LEKR1: variants seen among roughly 807,000 people sequenced by gnomAD.
LEKR1 encodes the protein leucine, glutamate and lysine rich 1.
A neutral mutation model predicts 72.4 loss-of-function variants in LEKR1; 59 were observed. The ratio of observed to expected loss-of-function variants is 0.82; its 90% CI spans 0.66 to 1.01. The LOEUF is 1.01. Ranked by LOEUF, LEKR1 falls within the 50% of genes least tolerant of loss-of-function variation. LEKR1 has a pLI of 0.00. For missense variants in LEKR1, 728 were observed against 759.2 expected (o/e 0.96, Z 0.48); for synonymous variants, 257 against 263.2 (o/e 0.98, Z 0.23).
intron 3 of LEKR1, among the ~76,000 whole-genome samples, chr3:156,917,931 C>G (rs1432729381): frequency 1.3e-5 from 2 of 152,012 alleles, no homozygotes; most frequent in Non-Finnish European, 2.9e-5. Context: ...GGAAGGCTAC[C>G]TCCTGGTAAA....
chr3:156,982,940 G>A (rs775233763), intron 7 of LEKR1, among the ~76,000 whole-genome samples: 37 of 151,844 alleles, frequency 2.4e-4, no homozygotes, highest in Admixed American at 6.6e-4. Flanking sequence ...CATAGAGAAA[G>A]GTCTCCAGCA....
chr3:156,928,797 C>A (rs914188850), intron 5 of LEKR1, among the ~76,000 whole-genome samples: 4 of 152,002 alleles, frequency 2.6e-5, no homozygotes, highest in African/African-American at 9.7e-5. Context: ...CTGTCACCTA[C>A]CCTATGAGAA....
chr3:156,883,042 A>G (rs1208675708), intron 3 of LEKR1, among the ~76,000 whole-genome samples: 5 of 152,068 alleles, frequency 3.3e-5, no homozygotes, highest in Non-Finnish European at 7.4e-5. Context: ...TGGGATATAT[A>G]CCTAATGCCA....
intron 5 of LEKR1, among the ~76,000 whole-genome samples, chr3:156,930,811 G>C (rs906587822): frequency 6.6e-6 from 1 of 151,988 alleles, no homozygotes; most frequent in Non-Finnish European, 1.5e-5. Flanking sequence ...AATCCAATGG[G>C]AAAAAGAAAG....
rs572867369 is a variant in LEKR1, at chr3:156,979,569, T to C, written c.827+294T>C. The stretch of plus-strand genomic sequence containing the variant: ...TTAAAGCTTTCCCTGATAGTTCAAA[T>C]GCAGTAACTTAATGTGAAATAGTCT... On this transcript the variant is annotated intron_variant, in intron 7 of 12. Transcript: ENST00000356539. 82 of 164,012 alleles carry C rather than the reference T, an allele frequency of 5.0e-4. 2 individuals are homozygous for C. Among genetic ancestry groups the C allele is most frequent in the Middle Eastern group, 3.0e-3 (1 of 334 alleles). The allele number at this position is 164,012 out of a possible 1,614,324, so 10.2% of individuals were successfully genotyped here.
chr3:156,921,412 G>A (rs1363424078), intron 4 of LEKR1, among the ~76,000 whole-genome samples: 1 of 152,088 alleles, frequency 6.6e-6, no homozygotes, highest in Non-Finnish European at 1.5e-5. Context: ...GGAATATTCT[G>A]AATAAATTTC....
chr3:156,974,327 A>G (rs1445150034), intron 6 of LEKR1, among the ~76,000 whole-genome samples: 1 of 152,182 alleles, frequency 6.6e-6, no homozygotes, highest in Non-Finnish European at 1.5e-5. Flanking sequence ...CACCTTCAAA[A>G]CGAATAATTT....
intron 12 of LEKR1, among the ~76,000 whole-genome samples, chr3:157,042,137 A>C (rs978509659): frequency 4.6e-5 from 7 of 151,826 alleles, no homozygotes; most frequent in Non-Finnish European, 1.0e-4. Context: ...GTGGCAGATG[A>C]TATGAAGATA....
intron 6 of LEKR1, among the ~76,000 whole-genome samples, chr3:156,949,638 A>C (rs1436739007): frequency 6.6e-6 from 1 of 151,140 alleles, no homozygotes; most frequent in East Asian, 1.9e-4. Context: ...AAATGGGTAT[A>C]ATAACAGTCC....
intron 2 of LEKR1, among the ~76,000 whole-genome samples, chr3:156,850,255 A>G (rs1715189453): frequency 6.6e-6 from 1 of 151,158 alleles, no homozygotes; most frequent in Non-Finnish European, 1.5e-5. Context: ...ATATTTTTAT[A>G]TATTTTATAT....
At chr3:156,860,372 G>A (rs1716628852) in intron 3 of LEKR1, among the ~76,000 whole-genome samples, 1 of 152,132 alleles carries the variant, frequency 6.6e-6, no homozygotes, top group African/African-American at 2.4e-5. Flanking sequence ...AGACTGTCAT[G>A]TGGAGAGTTA....
chr3:156,840,928 C>T (rs1468205268), intron 2 of LEKR1, among the ~76,000 whole-genome samples: 1 of 152,150 alleles, frequency 6.6e-6, no homozygotes, highest in Non-Finnish European at 1.5e-5. Context: ...CTTTCTTGTA[C>T]TAGCCTAGGT....
intron 10 of LEKR1, among the ~76,000 whole-genome samples, chr3:157,020,204 T>C (rs1319658408): frequency 1.3e-5 from 2 of 151,604 alleles, no homozygotes; most frequent in Non-Finnish European, 2.9e-5. Flanking sequence ...TCACCTTTTC[T>C]TCCCTGAATA....
At chr3:156,840,759 A>G (rs1713807461) in intron 2 of LEKR1, among the ~76,000 whole-genome samples, 1 of 152,192 alleles carries the variant, frequency 6.6e-6, no homozygotes, top group African/African-American at 2.4e-5. Context: ...ACCATAAAAG[A>G]CCTTTTAAAT....
intron 2 of LEKR1, among the ~76,000 whole-genome samples, chr3:156,845,916 A>C (rs568839003): frequency 9.2e-5 from 14 of 152,220 alleles, no homozygotes; most frequent in African/African-American, 3.4e-4. Context: ...GAGAATTGAT[A>C]TCTTTACTAT....
intron 4 of LEKR1, among the ~76,000 whole-genome samples, chr3:156,923,340 G>C (rs1405446827): frequency 6.6e-6 from 1 of 152,054 alleles, no homozygotes; most frequent in Admixed American, 6.6e-5. Flanking sequence ...ATCAATCTCT[G>C]TGCTCACCTT....
At chr3:156,984,533 C>T (rs541905123) in intron 7 of LEKR1, among the ~76,000 whole-genome samples, 1 of 152,024 alleles carries the variant, frequency 6.6e-6, no homozygotes, top group Non-Finnish European at 1.5e-5. Context: ...AAAAATTAGC[C>T]AGGCATGGTG....
chr3:156,896,200 G>A (rs1195123577), intron 3 of LEKR1, among the ~76,000 whole-genome samples: 1 of 152,056 alleles, frequency 6.6e-6, no homozygotes, highest in African/African-American at 2.4e-5. Context: ...GGCCTGTCAG[G>A]GGGCATGGTG....
intron 3 of LEKR1, among the ~76,000 whole-genome samples, chr3:156,908,621 A>C (rs1331562127): frequency 1.3e-5 from 2 of 152,120 alleles, no homozygotes; most frequent in Non-Finnish European, 2.9e-5. Context: ...TTCTGGCATC[A>C]CAAAATGTTC....
Sources: allele counts gnomAD v4.1 joint callset (sites outside exome capture counted in the v4.1 genomes callset), GRCh38; gene constraint gnomAD v4.1.1; transcripts MANE v1.5; gene names NCBI Gene and HGNC (gene_info 2026-07-23, HGNC 2026-07-21).